Variants in NHS observed in about 807,000 individuals in gnomAD.
The protein encoded by NHS is NHS actin remodeling regulator, also known as actin remodeling regulator NHS.
In NHS, 5 loss-of-function variants were observed where a neutral mutation model predicts 72.5. The observed-to-expected ratio is 0.07, with a 90% confidence interval of 0.04 to 0.14. The LOEUF is 0.14. Ranked by LOEUF, NHS falls within the 10% of genes least tolerant of loss-of-function variation. The pLI is 1.00. For missense variants in NHS, 1,072 were observed against 1,355.7 expected, an observed-to-expected ratio of 0.79 and a Z score of 3.29; for synonymous variants, 464 against 547.7, an observed-to-expected ratio of 0.85 and a Z score of 2.13.
chrX:17,556,793 C>T (rs1435398315), intron 1 of NHS, among the ~76,000 whole-genome samples: 4 of 110,932 alleles, frequency 3.6e-5, no homozygotes, highest in Admixed American at 1.9e-4. Flanking sequence ...GTATGAAAAT[C>T]GGTTAGGTTG....
chrX:17,694,101 A>C lies in NHS; in HGVS notation c.852+1633A>C, dbSNP rs1019139587. On this transcript the variant is annotated intron_variant, in intron 3 of 8. Transcript: ENST00000676302. ...AATAATGTCTAAATACTAAAGTAAG[A>C]CTATAGGAAAAGGCTTAAAATGACG... 4.5e-5 allele frequency among the ~76,000 whole-genome samples: 5 copies of C among 112,047 alleles called. No homozygotes were observed. The Admixed American group carries it at 4.7e-4, about 11-fold the overall frequency.
In NHS at chrX:17,725,780, G is replaced by C; in HGVS notation, c.1674G>C (p.Gln558His). The C allele has an allele frequency of 1.7e-6, 2 of 1,211,557 alleles. No homozygotes were observed. Among genetic ancestry groups the C allele is most frequent in the South Asian group, 3.5e-5 (2 of 56,957 alleles). The change falls in exon 7 of 9, where the codon CAG becomes CAC. Residue 558 changes from glutamine to histidine, a missense_variant. Gln to His is a conservative substitution (Grantham distance 24). Transcript: ENST00000676302. ...APSSPSAQDHQPTLGLACSQH... is the reference protein window; with the variant it reads ...APSSPSAQDHHPTLGLACSQH... ...GCAGCCCGAGTGCCCAGGACCACCA[G>C]CCTACTTTGGGCCTGGCCTGCTCTC...
intron 1 of NHS, among the ~76,000 whole-genome samples, chrX:17,553,765 C>T (rs746383224): frequency 3.4e-4 from 38 of 111,142 alleles, no homozygotes; most frequent in Non-Finnish European, 5.3e-4. Flanking sequence ...GTTTCGGGGG[C>T]GGGGTAGGGG....
chrX:17,482,658 C>A (rs1376818036), intron 1 of NHS, among the ~76,000 whole-genome samples: 1 of 111,416 alleles, frequency 9.0e-6, no homozygotes, highest in African/African-American at 3.3e-5. Context: ...AACACCCAGT[C>A]AGTGGGGATG....
At chrX:17,464,618 G>A (rs1370277538) in intron 1 of NHS, among the ~76,000 whole-genome samples, 9 of 112,681 alleles carry the variant, frequency 8.0e-5, no homozygotes, top group Non-Finnish European at 1.7e-4. Flanking sequence ...TGAAGATAAG[G>A]GGAGAGGTGA....
chrX:17,568,625 G>C (rs2065458081), intron 1 of NHS, among the ~76,000 whole-genome samples: 2 of 99,834 alleles, frequency 2.0e-5, no homozygotes, highest in Non-Finnish European at 4.0e-5. Flanking sequence ...TCATGTAATA[G>C]ATCAGTATTC....
chrX:17,539,038 T>C (rs1228077514), intron 1 of NHS, among the ~76,000 whole-genome samples: 3 of 112,430 alleles, frequency 2.7e-5, no homozygotes, highest in Non-Finnish European at 3.8e-5. Context: ...TCTACCCACA[T>C]GCGTCTCTCA....
intron 3 of NHS, among the ~76,000 whole-genome samples, chrX:17,703,050 C>T (rs893542126): frequency 2.3e-4 from 26 of 110,809 alleles, no homozygotes; most frequent in African/African-American, 7.9e-4. Context: ...TGGTGGATCA[C>T]TTGAGCTCAG....
At chrX:17,478,348 G>A (rs945958479) in intron 1 of NHS, among the ~76,000 whole-genome samples, 1 of 111,943 alleles carries the variant, frequency 8.9e-6, no homozygotes, top group Non-Finnish European at 1.9e-5. Flanking sequence ...CATCTCTAAC[G>A]TGCTCAAGAT....
At chrX:17,670,172 T>C (rs1337311802) in intron 1 of NHS, among the ~76,000 whole-genome samples, 1 of 112,480 alleles carries the variant, frequency 8.9e-6, no homozygotes, top group Non-Finnish European at 1.9e-5. Flanking sequence ...GTGCCACTTG[T>C]CCCCAGTGGC....
chrX:17,586,504 G>A (rs2065576947), intron 1 of NHS: 1 of 112,744 alleles, frequency 8.9e-6, no homozygotes, highest in Non-Finnish European at 1.9e-5. Flanking sequence ...GGGATTGACA[G>A]AAGGACAGGA....
intron 1 of NHS, among the ~76,000 whole-genome samples, chrX:17,430,259 T>TTTTCTTTCTTTCTTTCTTTCTTTC (rs56175001): frequency 1.9e-5 from 1 of 51,570 alleles, no homozygotes. Flanking sequence ...CCCTCTTTCT[T>TTTTCTTTCTTTCTTTCTTTCTTTC]TTTCTTTCTT....
chrX:17,390,959 G>A (rs1049187298), intron 1 of NHS, among the ~76,000 whole-genome samples: 1 of 112,069 alleles, frequency 8.9e-6, no homozygotes, highest in South Asian at 3.7e-4. Flanking sequence ...ATATTGGCTT[G>A]TAAATGTAAA....
chrX:17,499,238 C>G (rs971544306), intron 1 of NHS, among the ~76,000 whole-genome samples: 2 of 110,831 alleles, frequency 1.8e-5, no homozygotes, highest in African/African-American at 6.6e-5. Context: ...AGAGTTGGCA[C>G]TCTTTCATTG....
intron 1 of NHS, among the ~76,000 whole-genome samples, chrX:17,410,023 C>T (rs1343050006): frequency 9.0e-6 from 1 of 111,441 alleles, no homozygotes. Context: ...TATTTCTGTG[C>T]CTAGAGTGAG....
Position 17,439,979 on chromosome X carries a change from G to A in NHS, c.565+63657G>A, listed in dbSNP as rs186386457. 2.5e-3 allele frequency among the ~76,000 whole-genome samples: 280 copies of A among 111,365 alleles called. 1 individual carries two copies. The highest frequency in any genetic ancestry group is 8.8e-3 in the African/African-American group (271 of 30,634). On this transcript the variant is annotated intron_variant, in intron 1 of 8. Transcript: ENST00000676302. ...GACACCCAGTTAAAATGGAAACGAG[G>A]CCAGGCGTGGTGGCTCACACCTGTA... is the stretch of plus-strand genomic sequence containing the variant.
chrX:17,688,482 CTT>C (rs1276537100), intron 2 of NHS, among the ~76,000 whole-genome samples: 1 of 112,047 alleles, frequency 8.9e-6, no homozygotes. Flanking sequence ...TGGCTGTCAT[CTT>C]TGGCTCCCAT....
At chrX:17,450,483 G>A (rs752553732) in intron 1 of NHS, among the ~76,000 whole-genome samples, 22 of 111,751 alleles carry the variant, frequency 2.0e-4, no homozygotes, top group Non-Finnish European at 3.4e-4. Context: ...GAGAGATGAA[G>A]TCAGTGGTCC....
intron 1 of NHS, among the ~76,000 whole-genome samples, chrX:17,623,256 T>A (rs2065782809): frequency 8.9e-6 from 1 of 112,042 alleles, no homozygotes; most frequent in African/African-American, 3.2e-5. Context: ...GCCTCTTTGA[T>A]GTCCCCTGCA....
Sources: allele counts gnomAD v4.1 joint callset (sites outside exome capture counted in the v4.1 genomes callset), GRCh38; gene constraint gnomAD v4.1.1; transcripts MANE v1.5; gene names NCBI Gene and HGNC (gene_info 2026-07-23, HGNC 2026-07-21).